Variants in KTN1 observed in about 807,000 individuals in gnomAD.
KTN1 encodes kinectin 1.
Under a neutral mutation model 222.5 loss-of-function variants are expected in KTN1, and 130 were observed. That is an observed-to-expected ratio of 0.58 (90% CI 0.51 to 0.68). KTN1 has a LOEUF of 0.68. Ranked by LOEUF, KTN1 falls within the 30% of genes least tolerant of loss-of-function variation. KTN1 has a pLI of 0.00. For synonymous variants in KTN1, 512 were observed against 496.3 expected (o/e 1.03, Z -0.42); for missense variants, 1,508 against 1,500.4 (o/e 1.01, Z -0.08).
chr14:55,677,369 C>G (rs1219415246), intron 41 of KTN1, among the ~76,000 whole-genome samples: 2 of 150,950 alleles, frequency 1.3e-5, no homozygotes, highest in African/African-American at 2.4e-5. Flanking sequence ...CTCAGCTACT[C>G]AGGAGGCTGA....
chr14:55,679,137 A>C (rs2046147154), intron 42 of KTN1: 1 of 161,182 alleles, frequency 6.2e-6, no homozygotes, highest in Admixed American at 6.3e-5. Flanking sequence ...GAAGTAAATG[A>C]GTTAATACAT....
At chr14:55,650,976 T>C (rs989089587) in intron 24 of KTN1, among the ~76,000 whole-genome samples, 1 of 152,182 alleles carries the variant, frequency 6.6e-6, no homozygotes, top group Non-Finnish European at 1.5e-5. Flanking sequence ...CAAAATGTTA[T>C]TTGAATATAC....
Position 55,648,106 on chromosome 14 carries a change from G to A in KTN1, c.2289G>A (p.Glu763=). The change falls in exon 20 of 44, where the codon GAG becomes GAA. Residue 763 remains glutamate (E), a synonymous_variant. Transcript: ENST00000395314. ...TGLIQVATKE[E]ELNAIRTENS... is the part of the protein sequence containing the mutation. ...TTATTCAGGTGGCAACTAAAGAAGA[G>A]GAGCTGAATGTAAAGCATTTTGTAG... 1.3e-6 allele frequency: 2 copies of A among 1,530,496 alleles called. No homozygotes were observed. The highest frequency in any genetic ancestry group is 8.9e-7 in the Non-Finnish European group (1 of 1,122,910). The allele number at this position is 1,530,496 out of a possible 1,614,324, so 94.8% of individuals were successfully genotyped here.
intron 25 of KTN1, among the ~76,000 whole-genome samples, chr14:55,652,571 T>C (rs2043035262): frequency 6.6e-6 from 1 of 152,050 alleles, no homozygotes; most frequent in Non-Finnish European, 1.5e-5. Context: ...GCTAATTTTT[T>C]TGTATTTTTA....
intron 1 of KTN1, among the ~76,000 whole-genome samples, chr14:55,606,428 G>A (rs1197189908): frequency 1.3e-5 from 2 of 151,870 alleles, no homozygotes; most frequent in African/African-American, 4.8e-5. Context: ...CTTGAATTTT[G>A]ATTTGTTAAG....
intron 1 of KTN1, among the ~76,000 whole-genome samples, chr14:55,587,986 C>T (rs572401767): frequency 6.6e-6 from 1 of 152,134 alleles, no homozygotes; most frequent in East Asian, 1.9e-4. Context: ...AATTCTGGAG[C>T]ACTTTTCAAG....
chr14:55,642,123 A>G (rs1409665633), intron 18 of KTN1, among the ~76,000 whole-genome samples: 1 of 152,132 alleles, frequency 6.6e-6, no homozygotes, highest in Non-Finnish European at 1.5e-5. Context: ...TATTACTAGC[A>G]CTTAAAAGCA....
intron 7 of KTN1, among the ~76,000 whole-genome samples, chr14:55,631,341 G>GAGATATAT (rs71448461): frequency 4.2e-4 from 48 of 114,706 alleles, no homozygotes; most frequent in African/African-American, 1.4e-3. Flanking sequence ...TGATAAGGTT[G>GAGATATAT]ATATATATAT....
chr14:55,630,140 C>G (rs1403330414), intron 7 of KTN1, 43 bp downstream of exon 7: 1 of 1,576,632 alleles, frequency 6.3e-7, no homozygotes. Context: ...TGGTTGCATT[C>G]ACTTTATTAG....
chr14:55,652,778 C>T (rs1476285528), intron 25 of KTN1, 72 bp from the exon 26 acceptor site: 3 of 966,316 alleles, frequency 3.1e-6, no homozygotes, highest in South Asian at 1.5e-5. Flanking sequence ...ATACTTTTTT[C>T]AGTGTCTAAG....
At chr14:55,628,134 C>A in intron 6 of KTN1, 106 bp downstream of exon 6, 1 of 694,166 alleles carries the variant, frequency 1.4e-6, no homozygotes. Flanking sequence ...AATTTATGTC[C>A]AACAAAAGTA....
intron 2 of KTN1, among the ~76,000 whole-genome samples, chr14:55,614,975 G>C (rs1370519035): frequency 6.6e-6 from 1 of 152,156 alleles, no homozygotes; most frequent in African/African-American, 2.4e-5. Context: ...TAGAAAAGTA[G>C]ATTCAGAAGC....
intron 11 of KTN1, 117 bp from the exon 12 acceptor site, chr14:55,637,662 A>T (rs1194996269): frequency 1.4e-6 from 1 of 715,400 alleles, no homozygotes; most frequent in Non-Finnish European, 2.3e-6. Flanking sequence ...GAATCTAAGA[A>T]TGCCTTAAAA....
At chr14:55,630,349 A>C (rs991319856) in intron 7 of KTN1, among the ~76,000 whole-genome samples, 2 of 152,208 alleles carry the variant, frequency 1.3e-5, no homozygotes, top group African/African-American at 4.8e-5. Flanking sequence ...GTAAGGAAGA[A>C]AAGGATTTGA....
intron 13 of KTN1, 29 bp downstream of exon 13, chr14:55,639,251 T>A: frequency 6.5e-7 from 1 of 1,531,380 alleles, no homozygotes; most frequent in Non-Finnish European, 9.0e-7. Flanking sequence ...ACTCTTATAA[T>A]TGTGTAGTCA....
At chr14:55,627,869 C>T in intron 5 of KTN1, 43 bp from the exon 6 acceptor site, 5 of 1,097,502 alleles carry the variant, frequency 4.6e-6, no homozygotes, top group Non-Finnish European at 7.0e-6. Flanking sequence ...TTTATTAGCC[C>T]ATGGTAACTA....
rs1178651779 is a variant in KTN1 at position 55,672,669 on chromosome 14, C to G, written c.3571C>G (p.Arg1191Gly). Residue 1191 changes from arginine to glycine, a missense_variant, in exon 38 of 44, where the codon CGA becomes GGA. Physicochemically the swap from Arg to Gly is moderately radical, Grantham distance 125. Coordinates refer to ENST00000395314, the MANE Select transcript of KTN1 (RefSeq NM_001079521.2). ...SFTSSEQELE[R>G]LRSENKDIEN... Reference sequence around the variant, plus strand: ...TACATCTTCAGAACAAGAGCTAGAGCGATTAAGAAGCGAAAATAAGGATAT... The same window carrying G: ...TACATCTTCAGAACAAGAGCTAGAGGGATTAAGAAGCGAAAATAAGGATAT... 4 of 1,605,876 alleles carry G rather than the reference C, an allele frequency of 2.5e-6. No homozygotes were observed. Among genetic ancestry groups the G allele is most frequent in the Non-Finnish European group, 3.4e-6 (4 of 1,173,220 alleles).
intron 4 of KTN1, 68 bp downstream of exon 4, chr14:55,618,202 A>C: frequency 1.7e-6 from 2 of 1,157,508 alleles, no homozygotes; most frequent in Non-Finnish European, 2.4e-6. Flanking sequence ...ATGGAGTCAT[A>C]GATTTCATTT....
Position 55,675,845 on chromosome 14 carries a change from A to G in KTN1, c.3782A>G (p.Gln1261Arg), listed in dbSNP as rs1285303722. 3.7e-6 allele frequency: 6 copies of G among 1,608,594 alleles called. No individual in the cohort carries two copies. In the African/African-American group the frequency reaches 8.0e-5, roughly 21 times the overall value. Residue 1261 changes from glutamine (Q) to arginine (R), a missense_variant, in exon 41 of 44, where the codon CAG (glutamine) becomes CGG (arginine). Transcript: ENST00000395314. The stretch of plus-strand genomic sequence containing the variant: ...CCTTTATTTTTACAGTTGAAGGCAC[A>G]GTTAAATGAAACACTCACAAAACTT... Reference protein sequence around the residue: ...QNEELNLLKAQLNETLTKLRT... With the variant: ...QNEELNLLKARLNETLTKLRT...
Sources: allele counts gnomAD v4.1 joint callset (sites outside exome capture counted in the v4.1 genomes callset), GRCh38; gene constraint gnomAD v4.1.1; transcripts MANE v1.5; gene names NCBI Gene and HGNC (gene_info 2026-07-23, HGNC 2026-07-21).